GAREM1: variants seen among roughly 807,000 people sequenced by gnomAD.
GAREM1 encodes the protein GRB2 associated regulator of MAPK1 subtype 1, also known as GRB2-associated and regulator of MAPK protein 1.
Under a neutral mutation model 71.3 loss-of-function variants are expected in GAREM1, and 26 were observed. The ratio of observed to expected loss-of-function variants is 0.36; its 90% CI spans 0.27 to 0.51. GAREM1 has a LOEUF of 0.51. GAREM1 is among the 20% of genes least tolerant of loss of function. The probability of loss-of-function intolerance (pLI) is 0.95; values close to 1 mark genes in which losing one functional copy is unlikely to be tolerated. For synonymous variants in GAREM1, 440 were observed against 433.2 expected, an observed-to-expected ratio of 1.02 and a Z score of -0.20; for missense variants, 1,026 against 1,103.1, an observed-to-expected ratio of 0.93 and a Z score of 0.99.
At chr18:32,461,916 T>C (rs1037921780) in intron 1 of GAREM1, among the ~76,000 whole-genome samples, 1 of 152,018 alleles carries the variant, frequency 6.6e-6, no homozygotes, top group Non-Finnish European at 1.5e-5. Context: ...CAAACAAAAA[T>C]AAACGAGTTT....
At chr18:32,365,584 A>C (rs936599008) in intron 2 of GAREM1, among the ~76,000 whole-genome samples, 3 of 152,144 alleles carry the variant, frequency 2.0e-5, no homozygotes, top group Non-Finnish European at 4.4e-5. Flanking sequence ...GGGTTGGCCA[A>C]AACTCCATGG....
intron 1 of GAREM1, among the ~76,000 whole-genome samples, chr18:32,469,262 G>C (rs570785682): frequency 6.6e-6 from 1 of 152,240 alleles, no homozygotes; most frequent in African/African-American, 2.4e-5. Context: ...AGTAACCCTA[G>C]TGCCTGTGAC....
intron 1 of GAREM1, among the ~76,000 whole-genome samples, chr18:32,399,836 T>C (rs554328845): frequency 1.3e-5 from 2 of 152,266 alleles, no homozygotes; most frequent in Admixed American, 6.5e-5. Context: ...AAAGTTCATA[T>C]GGAACCAAAA....
intron 2 of GAREM1, among the ~76,000 whole-genome samples, chr18:32,392,590 G>T (rs1219535015): frequency 6.6e-6 from 1 of 152,146 alleles, no homozygotes. Flanking sequence ...TCAGAGACAT[G>T]ACCCCCTGAA....
intron 1 of GAREM1, among the ~76,000 whole-genome samples, chr18:32,418,477 C>G (rs867844270): frequency 4.6e-5 from 7 of 152,256 alleles, no homozygotes; most frequent in Middle Eastern, 6.8e-3. Context: ...ATGGGAATAA[C>G]AGACCCACTC....
At chr18:32,356,321 G>A (rs754685318) in intron 2 of GAREM1, among the ~76,000 whole-genome samples, 6 of 152,136 alleles carry the variant, frequency 3.9e-5, no homozygotes, top group Non-Finnish European at 7.4e-5. Flanking sequence ...ACTCCACAAA[G>A]TAAAAACACC....
In GAREM1 at chr18:32,287,518, C is replaced by T. The variant is rs774219968; in HGVS notation, c.1079G>A (p.Gly360Asp). The T allele has an allele frequency of 2.0e-5, 32 of 1,614,218 alleles. No individual in the cohort carries two copies. Among genetic ancestry groups the T allele is most frequent in the South Asian group, 4.4e-5 (4 of 91,078 alleles). The change falls in exon 4 of 6, where the codon GGT becomes GAT. Residue 360 changes from glycine (G) to aspartate (D), a missense_variant. By Grantham distance (94) the Gly-to-Asp change is moderately conservative (BLOSUM62 -1). Around this residue, in one of 3 missense-constraint regions of GAREM1, gnomAD observed 218 missense variants for 296.8 expected, o/e 0.73. Transcript: ENST00000269209. This position sits in a 1 kb window ranked among gnomAD's most constrained non-coding sequence, Gnocchi z 5.9. ...CACGTGGTTGTGGCCAGAGCACCGACCCTTCTTGGGGCTCTTGCATTCTTC... is the reference window on the plus strand; with the variant it reads ...CACGTGGTTGTGGCCAGAGCACCGATCCTTCTTGGGGCTCTTGCATTCTTC... ...WNEECKSPKKGRCSGHNHVPN... is the reference protein window; with the variant it reads ...WNEECKSPKKDRCSGHNHVPN...
In GAREM1 at chr18:32,371,854, AG is replaced by A. The variant is rs2144627529; in HGVS notation, c.262+21040del. On this transcript the variant is annotated intron_variant, in intron 2 of 5. Transcript: ENST00000269209. ...CACAAGTGATAATCTTAAATGCAGTAGAAAGGCCCAGCTAGGTCAGGGCTGG... is the reference window on the plus strand; with the variant it reads ...CACAAGTGATAATCTTAAATGCAGTAAAAGGCCCAGCTAGGTCAGGGCTGG... 2.0e-5 allele frequency among the ~76,000 whole-genome samples: 3 copies of A among 152,332 alleles called. No individual in the cohort carries two copies. In the East Asian group the frequency reaches 5.8e-4, roughly 29 times the overall value.
chr18:32,436,657 CA>C (rs2144266583), intron 1 of GAREM1, among the ~76,000 whole-genome samples: 1 of 152,168 alleles, frequency 6.6e-6, no homozygotes, highest in East Asian at 1.9e-4. Context: ...TTATTTGTAC[CA>C]ACAATTTCCC....
At chr18:32,269,980 CT>C in intron 5 of GAREM1, among the ~76,000 whole-genome samples, 1 of 152,142 alleles carries the variant, frequency 6.6e-6, no homozygotes, top group East Asian at 1.9e-4. Context: ...GCCTTTACCT[CT>C]GAATTTCTCA....
At chr18:32,450,401 T>A (rs779256102) in intron 1 of GAREM1, among the ~76,000 whole-genome samples, 7 of 152,204 alleles carry the variant, frequency 4.6e-5, no homozygotes, top group Non-Finnish European at 8.8e-5. Context: ...CATACAATTA[T>A]TTAAAAGTTC....
At chr18:32,412,099 TG>T (rs1469617914) in intron 1 of GAREM1, 1 of 747,684 alleles carries the variant, frequency 1.3e-6, no homozygotes, top group Non-Finnish European at 2.3e-6. Context: ...ATGTCTTCTT[TG>T]TAGCAGCTAG....
At chr18:32,422,474 A>G (rs993492281) in intron 1 of GAREM1, among the ~76,000 whole-genome samples, 2 of 152,146 alleles carry the variant, frequency 1.3e-5, no homozygotes, top group African/African-American at 4.8e-5. Flanking sequence ...CTAGGCTGAG[A>G]GCTCAAGGTC....
intron 1 of GAREM1, among the ~76,000 whole-genome samples, chr18:32,424,728 AT>A (rs2048557450): frequency 6.6e-6 from 1 of 152,340 alleles, no homozygotes; most frequent in African/African-American, 2.4e-5. Context: ...GCATGGCTTT[AT>A]ATTGCTATCA....
At position 32,268,531 on chromosome 18, in the gene GAREM1, C is replaced by T. The variant is rs750089105; in HGVS notation, c.1971G>A (p.Thr657=). Residue 657 remains threonine, a synonymous_variant, in exon 6 of 6, where the codon ACG becomes ACA. Coordinates refer to ENST00000269209, the MANE Select transcript of GAREM1 (RefSeq NM_001242409.2). ...GGCAGTTTCTCTTTGGTGTGCCTGG[C>T]GTCTTTTGTCTAGGGTAACTATAAC... is the stretch of plus-strand genomic sequence containing the variant. ...SRSYSYPRQK[T]PGTPKRNCPA... is the part of the protein sequence containing the mutation. The T allele has an allele frequency of 3.7e-6, 6 of 1,614,092 alleles. No homozygotes were observed. The highest frequency in any genetic ancestry group is 1.3e-5 in the African/African-American group (1 of 75,008).
At chr18:32,454,071 C>T (rs1359318733) in intron 1 of GAREM1, among the ~76,000 whole-genome samples, 1 of 152,038 alleles carries the variant, frequency 6.6e-6, no homozygotes, top group African/African-American at 2.4e-5. Context: ...ATAGTGACCT[C>T]ATCTTACCTG....
At chr18:32,380,252 G>C (rs1414293790) in intron 2 of GAREM1, among the ~76,000 whole-genome samples, 1 of 152,110 alleles carries the variant, frequency 6.6e-6, no homozygotes, top group Non-Finnish European at 1.5e-5. Context: ...GAAGCAGGGG[G>C]ATCACCTGAA....
At chr18:32,450,938 G>A (rs2048831600) in intron 1 of GAREM1, among the ~76,000 whole-genome samples, 1 of 152,018 alleles carries the variant, frequency 6.6e-6, no homozygotes, top group Admixed American at 6.6e-5. Flanking sequence ...CTTGAGCCCA[G>A]GAGATTGAGA....
At position 32,399,751 on chromosome 18, in the gene GAREM1, G is replaced by A. The variant is rs568928535; in HGVS notation, c.122-6716C>T. Reference sequence around the variant, plus strand: ...TCGTGAAAATGGCCATACTGCCCAAGGTAATTTATAGATTCAATGCCATCC... The same window carrying A: ...TCGTGAAAATGGCCATACTGCCCAAAGTAATTTATAGATTCAATGCCATCC... On this transcript the variant is annotated intron_variant, in intron 1 of 5. Coordinates refer to ENST00000269209, the MANE Select transcript of GAREM1 (RefSeq NM_001242409.2). 7.2e-5 allele frequency among the ~76,000 whole-genome samples: 11 copies of A among 152,200 alleles called. No individual in the cohort carries two copies. In the East Asian group the frequency reaches 1.9e-3, roughly 27 times the overall value.
Sources: gnomAD v4.1 joint callset for allele counts (sites outside exome capture counted in the v4.1 genomes callset) on GRCh38, gnomAD v4.1.1 for gene constraint, gnomAD v4.1.1 regional missense constraint, Gnocchi (gnomAD v3.1) non-coding constraint, MANE v1.5 for transcripts, NCBI Gene and HGNC (gene_info 2026-07-23, HGNC 2026-07-21) for gene names.